SPAG16: variants seen among roughly 807,000 people sequenced by gnomAD.
SPAG16 encodes the protein sperm-associated antigen 16 protein.
A neutral mutation model predicts 80.4 loss-of-function variants in SPAG16; 86 were observed. That is an observed-to-expected ratio of 1.07 (90% confidence interval 0.90 to 1.28). The LOEUF (loss-of-function observed/expected upper bound fraction) is 1.28, where lower values mean the gene tolerates loss of function less well. SPAG16 is among the 50% of genes most tolerant of loss of function. The probability of loss-of-function intolerance (pLI) is 0.00; values close to 1 mark genes in which losing one functional copy is unlikely to be tolerated. For missense variants in SPAG16, 870 were observed against 765.3 expected (o/e 1.14, Z -1.61); for synonymous variants, 294 against 265.9 (o/e 1.11, Z -1.03).
chr2:213,894,982 C>T (rs1275057727), intron 11 of SPAG16, among the ~76,000 whole-genome samples: 3 of 65,922 alleles, frequency 4.6e-5, no homozygotes, highest in Non-Finnish European at 8.0e-5. Context: ...AACAAGGCTC[C>T]ATCTCAAAAA....
intron 13 of SPAG16, among the ~76,000 whole-genome samples, chr2:214,020,305 A>C (rs1191227476): frequency 2.0e-5 from 3 of 152,176 alleles, no homozygotes; most frequent in African/African-American, 7.2e-5. Flanking sequence ...TTTTATAAAA[A>C]TGTTTTAAGC....
intron 13 of SPAG16, among the ~76,000 whole-genome samples, chr2:214,088,107 C>T (rs1022703068): frequency 4.0e-5 from 6 of 151,810 alleles, no homozygotes; most frequent in Non-Finnish European, 8.8e-5. Flanking sequence ...GATACAACAG[C>T]AAAGGAATCG....
At chr2:214,219,997 T>C (rs1364358707) in intron 15 of SPAG16, among the ~76,000 whole-genome samples, 1 of 152,062 alleles carries the variant, frequency 6.6e-6, no homozygotes, top group Non-Finnish European at 1.5e-5. Flanking sequence ...ATTTTGATTA[T>C]TTTTTTATTG....
At position 214,130,062 on chromosome 2, in the gene SPAG16, G is replaced by T. The variant is rs183397903; in HGVS notation, c.1594-19078G>T. 3.9e-5 allele frequency among the ~76,000 whole-genome samples: 6 copies of T among 152,176 alleles called. No individual in the cohort carries two copies. The East Asian group carries it at 1.2e-3, about 29-fold the overall frequency. ...TTCCAATGAACAAAGTGGGGGTCTGGCTTCAATAGAGAAAATTCTCACCCC... is the reference window on the plus strand; with the variant it reads ...TTCCAATGAACAAAGTGGGGGTCTGTCTTCAATAGAGAAAATTCTCACCCC... On this transcript the variant is annotated intron_variant, in intron 14 of 15. Coordinates refer to ENST00000331683, the MANE Select transcript of SPAG16 (RefSeq NM_024532.5).
intron 10 of SPAG16, among the ~76,000 whole-genome samples, chr2:213,766,973 T>C (rs2068968883): frequency 6.6e-6 from 1 of 152,202 alleles, no homozygotes; most frequent in Non-Finnish European, 1.5e-5. Context: ...TGGTCAGGCC[T>C]GAAAAATCAT....
At chr2:213,484,965 GT>G (rs2073914769) in intron 9 of SPAG16, among the ~76,000 whole-genome samples, 1 of 150,678 alleles carries the variant, frequency 6.6e-6, no homozygotes, top group Non-Finnish European at 1.5e-5. Context: ...TCTGATTGCT[GT>G]TAGAGTTAGA....
intron 6 of SPAG16, among the ~76,000 whole-genome samples, chr2:213,341,968 C>A (rs1051057736): frequency 6.6e-6 from 1 of 152,066 alleles, no homozygotes; most frequent in African/African-American, 2.4e-5. Flanking sequence ...AATAGACACA[C>A]CCTTTAAAAT....
intron 11 of SPAG16, among the ~76,000 whole-genome samples, chr2:213,897,914 T>C (rs2077058638): frequency 6.6e-6 from 1 of 152,170 alleles, no homozygotes; most frequent in Non-Finnish European, 1.5e-5. Context: ...TTCCTATCTT[T>C]GGGTTACTTC....
chr2:214,183,663 G>A (rs531465328), intron 15 of SPAG16, among the ~76,000 whole-genome samples: 1 of 152,186 alleles, frequency 6.6e-6, no homozygotes, highest in African/African-American at 2.4e-5. Context: ...GGGTGCTGGA[G>A]ATAGGTCAGC....
chr2:213,517,728 T>G (rs1027945615), intron 10 of SPAG16, among the ~76,000 whole-genome samples: 4 of 152,140 alleles, frequency 2.6e-5, no homozygotes, highest in Admixed American at 6.6e-5. Context: ...CAATAAATAG[T>G]GCTGGGACAA....
rs560807384 is a variant in SPAG16, at chr2:214,183,657, G to A, written c.1720+34391G>A. The stretch of plus-strand genomic sequence containing the variant: ...ATGAAAGGGAAGCAGGGACAAGGGT[G>A]CTGGAGATAGGTCAGCCCTATCACT... On this transcript the variant is annotated intron_variant, in intron 15 of 15. Coordinates refer to ENST00000331683, the MANE Select transcript of SPAG16 (RefSeq NM_024532.5). 2.0e-5 allele frequency among the ~76,000 whole-genome samples: 3 copies of A among 152,168 alleles called. No homozygotes were observed. The East Asian group carries it at 5.8e-4, about 30-fold the overall frequency.
intron 10 of SPAG16, among the ~76,000 whole-genome samples, chr2:213,804,682 C>CAACTAACTAACT (rs75058174): frequency 2.2e-4 from 33 of 148,726 alleles, no homozygotes; most frequent in African/African-American, 4.0e-4. Context: ...GACTCCGTCT[C>CAACTAACTAACT]AACTAACTAA....
At chr2:214,403,467 GC>G (rs1400494643) in intron 15 of SPAG16, among the ~76,000 whole-genome samples, 2 of 151,544 alleles carry the variant, frequency 1.3e-5, no homozygotes, top group African/African-American at 2.4e-5. Context: ...ATGAGTAATA[GC>G]CTATTTTACA....
At chr2:213,755,338 T>C (rs1211099424) in intron 10 of SPAG16, among the ~76,000 whole-genome samples, 1 of 152,220 alleles carries the variant, frequency 6.6e-6, no homozygotes, top group Non-Finnish European at 1.5e-5. Context: ...TTTTGACTGA[T>C]ATCATGTTAT....
chr2:213,692,145 TAGTGATTTTAG>T (rs1482208420), intron 10 of SPAG16, among the ~76,000 whole-genome samples: 1 of 152,186 alleles, frequency 6.6e-6, no homozygotes, highest in Non-Finnish European at 1.5e-5. Context: ...AGCCTCTGGG[TAGTGATTTTAG>T]ATTAATATAA....
At chr2:213,576,438 A>G (rs2126026370) in intron 10 of SPAG16, among the ~76,000 whole-genome samples, 1 of 152,298 alleles carries the variant, frequency 6.6e-6, no homozygotes, top group South Asian at 2.1e-4. Context: ...ACCTAAGGAC[A>G]GAAATAACAT....
chr2:213,759,796 G>A lies in SPAG16; in HGVS notation c.1071-102689G>A, dbSNP rs2068550833. Among the ~76,000 whole-genome samples the A allele has an allele frequency of 2.0e-5, 3 of 152,264 alleles. No homozygotes were observed. The South Asian group carries it at 6.2e-4, about 32-fold the overall frequency. ...TCACACCTGCAATCCCTGCGCTTTG[G>A]GAGGCCGAGGTGGGTGGATCATGAA... On this transcript the variant is annotated intron_variant, in intron 10 of 15. Coordinates refer to ENST00000331683, the MANE Select transcript of SPAG16 (RefSeq NM_024532.5).
intron 12 of SPAG16, among the ~76,000 whole-genome samples, chr2:214,008,393 G>A (rs2047127512): frequency 6.6e-6 from 1 of 151,452 alleles, no homozygotes; most frequent in Non-Finnish European, 1.5e-5. Flanking sequence ...TTTTTCTTGT[G>A]TATGGATTAC....
intron 10 of SPAG16, among the ~76,000 whole-genome samples, chr2:213,772,741 C>T (rs538829512): frequency 1.6e-4 from 25 of 152,194 alleles, no homozygotes; most frequent in African/African-American, 5.8e-4. Context: ...ATCAACTTGT[C>T]TATTTCTATA....
Sources: allele counts gnomAD v4.1 joint callset (sites outside exome capture counted in the v4.1 genomes callset), GRCh38; gene constraint gnomAD v4.1.1; transcripts MANE v1.5; gene names NCBI Gene and HGNC (gene_info 2026-07-23, HGNC 2026-07-21).